Variants in PDE8A observed in about 807,000 individuals in gnomAD.
The protein encoded by PDE8A is phosphodiesterase 8A.
Under a neutral mutation model 105.0 loss-of-function variants are expected in PDE8A, and 59 were observed. The observed-to-expected ratio is 0.56, with a 90% CI of 0.46 to 0.70. The LOEUF (loss-of-function observed/expected upper bound fraction) is 0.70, where lower values mean the gene tolerates loss of function less well. PDE8A is among the 30% of genes least tolerant of loss of function. PDE8A has a pLI of 0.00. For missense variants in PDE8A, 1,014 were observed against 1,045.9 expected, an observed-to-expected ratio of 0.97 and a Z score of 0.42; for synonymous variants, 355 against 371.9, an observed-to-expected ratio of 0.95 and a Z score of 0.52.
At chr15:85,131,205 T>G (rs1012287432) in intron 20 of PDE8A, among the ~76,000 whole-genome samples, 14 of 152,240 alleles carry the variant, frequency 9.2e-5, no homozygotes, top group African/African-American at 1.4e-4. Flanking sequence ...TTCTTGTAGA[T>G]AGAATGTAGT....
chr15:85,069,121 A>C (rs1388552203), intron 3 of PDE8A, among the ~76,000 whole-genome samples: 1 of 152,244 alleles, frequency 6.6e-6, no homozygotes, highest in Non-Finnish European at 1.5e-5. Context: ...AAGTAATGTT[A>C]CGTGCTCAGT....
At chr15:84,993,360 A>G (rs140714372) in intron 1 of PDE8A, among the ~76,000 whole-genome samples, 384 of 149,908 alleles carry the variant, frequency 2.6e-3, no homozygotes, top group East Asian at 8.3e-3. Flanking sequence ...GGAGAATGGC[A>G]TGAACCCAGG....
chr15:85,117,595 G>A (rs1415225877), intron 16 of PDE8A, 46 bp from the exon 17 acceptor site: 5 of 1,539,862 alleles, frequency 3.2e-6, no homozygotes, highest in South Asian at 1.1e-5. Context: ...CACTTGGCCT[G>A]TTTGTTTGCT....
At chr15:85,036,794 C>CT (rs1413084023) in intron 1 of PDE8A, among the ~76,000 whole-genome samples, 2 of 152,078 alleles carry the variant, frequency 1.3e-5, no homozygotes, top group East Asian at 1.9e-4. Flanking sequence ...CACAAAAATG[C>CT]TTTTTTAGAG....
At chr15:85,118,913 CCTT>C (rs2082137493) in intron 17 of PDE8A, among the ~76,000 whole-genome samples, 2 of 152,194 alleles carry the variant, frequency 1.3e-5, no homozygotes, top group South Asian at 2.1e-4. Flanking sequence ...GAAGGGTAAA[CCTT>C]CTCAGAACTT....
chr15:85,112,919 T>C (rs564225266), intron 12 of PDE8A, among the ~76,000 whole-genome samples: 4 of 152,288 alleles, frequency 2.6e-5, no homozygotes, highest in Non-Finnish European at 4.4e-5. Context: ...AGAGGGTACC[T>C]TGAAAAATTT....
intron 18 of PDE8A, among the ~76,000 whole-genome samples, chr15:85,122,647 A>C (rs1284687784): frequency 6.6e-6 from 1 of 152,204 alleles, no homozygotes; most frequent in African/African-American, 2.4e-5. Context: ...TAAAGTACTA[A>C]AATAAAAGCA....
chr15:85,109,171 C>T, intron 12 of PDE8A, 41 bp downstream of exon 12: 1 of 1,346,298 alleles, frequency 7.4e-7, no homozygotes, highest in South Asian at 1.2e-5. Context: ...GATCAAATCA[C>T]TGTTGAACAC....
chr15:85,000,389 G>A (rs867764146), intron 1 of PDE8A, among the ~76,000 whole-genome samples: 7 of 152,204 alleles, frequency 4.6e-5, no homozygotes, highest in Middle Eastern at 3.2e-3. Flanking sequence ...GCCAAAAGCT[G>A]TGTTTGTCTT....
intron 1 of PDE8A, among the ~76,000 whole-genome samples, chr15:85,032,673 CAT>C (rs1376967949): frequency 2.0e-5 from 3 of 152,004 alleles, no homozygotes; most frequent in African/African-American, 7.3e-5. Context: ...TCTTGAGTAT[CAT>C]ATAACTATTA....
intron 1 of PDE8A, among the ~76,000 whole-genome samples, chr15:85,027,515 A>G (rs976630047): frequency 3.3e-5 from 5 of 152,204 alleles, no homozygotes; most frequent in Admixed American, 1.3e-4. Context: ...TGCCAAAACA[A>G]TCTGCCTTCC....
intron 1 of PDE8A, among the ~76,000 whole-genome samples, chr15:85,040,095 T>TTCTCACCA (rs1403933972): frequency 1.9e-4 from 29 of 152,320 alleles, no homozygotes; most frequent in Non-Finnish European, 1.0e-4. Context: ...ATTTTAAATG[T>TTCTCACCA]TCTCACCATA....
chr15:85,066,105 C>G (rs559133953), intron 2 of PDE8A, among the ~76,000 whole-genome samples: 66 of 152,200 alleles, frequency 4.3e-4, no homozygotes, highest in Admixed American at 3.9e-4. Context: ...ATTAAGTATT[C>G]TAATAATTTC....
At chr15:85,053,916 C>G (rs2081016676) in intron 1 of PDE8A, among the ~76,000 whole-genome samples, 2 of 152,204 alleles carry the variant, frequency 1.3e-5, no homozygotes, top group African/African-American at 4.8e-5. Flanking sequence ...GGGAATGCTT[C>G]CAGTTTTTGC....
At chr15:85,051,530 A>T (rs962706928) in intron 1 of PDE8A, among the ~76,000 whole-genome samples, 2 of 151,576 alleles carry the variant, frequency 1.3e-5, no homozygotes, top group African/African-American at 4.9e-5. Context: ...TACATAGGTA[A>T]ATGTGTGCCA....
At chr15:85,107,375 G>C (rs551543987) in intron 11 of PDE8A, among the ~76,000 whole-genome samples, 24 of 152,344 alleles carry the variant, frequency 1.6e-4, no homozygotes, top group Middle Eastern at 3.4e-3. Flanking sequence ...GAAGTGTTTT[G>C]ATTGAGAGAT....
At chr15:85,019,895 C>G (rs1490718566) in intron 1 of PDE8A, among the ~76,000 whole-genome samples, 2 of 144,176 alleles carry the variant, frequency 1.4e-5, no homozygotes, top group African/African-American at 5.2e-5. Context: ...GTGTATGTTT[C>G]GAAAAGGCTC....
At chr15:85,051,295 T>G (rs888739542) in intron 1 of PDE8A, among the ~76,000 whole-genome samples, 10 of 152,174 alleles carry the variant, frequency 6.6e-5, no homozygotes, top group Non-Finnish European at 1.3e-4. Flanking sequence ...ATTTCGACTG[T>G]CTTTTCTTTT....
chr15:85,071,223 G>A (rs1032425177), intron 3 of PDE8A, among the ~76,000 whole-genome samples: 1 of 152,196 alleles, frequency 6.6e-6, no homozygotes, highest in Non-Finnish European at 1.5e-5. Flanking sequence ...GAAGGCAGTG[G>A]AAACAGGCTT....
Sources: allele counts gnomAD v4.1 joint callset (sites outside exome capture counted in the v4.1 genomes callset), GRCh38; gene constraint gnomAD v4.1.1; transcripts MANE v1.5; gene names NCBI Gene and HGNC (gene_info 2026-07-23, HGNC 2026-07-21).